The following DCC variants were observed in gnomAD, a reference collection of about 807,000 sequenced individuals.
DCC encodes netrin receptor DCC.
In DCC, 58 loss-of-function variants were observed where a neutral mutation model predicts 172.5. The ratio of observed to expected loss-of-function variants is 0.34; its 90% CI spans 0.27 to 0.42. The LOEUF (loss-of-function observed/expected upper bound fraction) is 0.42, where lower values mean the gene tolerates loss of function less well. Among genes scored for constraint, DCC ranks in the 10% least tolerant of loss-of-function variants. The probability of loss-of-function intolerance (pLI) is 1.00; values close to 1 mark genes in which losing one functional copy is unlikely to be tolerated. For missense variants in DCC, 1,740 were observed against 1,791.0 expected (o/e 0.97, Z 0.51); for synonymous variants, 709 against 644.5 (o/e 1.10, Z -1.52).
At chr18:53,055,300 T>G (rs2042388885) in intron 5 of DCC, among the ~76,000 whole-genome samples, 1 of 152,190 alleles carries the variant, frequency 6.6e-6, no homozygotes, top group African/African-American at 2.4e-5. Context: ...ATATTTACTT[T>G]CATTTGAGAA....
chr18:52,784,686 T>C (rs570221198), intron 2 of DCC, among the ~76,000 whole-genome samples: 5 of 152,022 alleles, frequency 3.3e-5, no homozygotes, highest in African/African-American at 7.2e-5. Flanking sequence ...ATTTTTTAAA[T>C]ATGTTTTGGC....
intron 2 of DCC, among the ~76,000 whole-genome samples, chr18:52,793,374 T>A (rs540813741): frequency 6.6e-6 from 1 of 152,332 alleles, no homozygotes; most frequent in Admixed American, 6.5e-5. Context: ...CTTTACAGGC[T>A]ATTTATTAGA....
chr18:52,835,108 A>G (rs1458744465), intron 2 of DCC, among the ~76,000 whole-genome samples: 1 of 152,206 alleles, frequency 6.6e-6, no homozygotes, highest in African/African-American at 2.4e-5. Flanking sequence ...TACACGATTG[A>G]ATTTAGGTTA....
chr18:53,406,209 A>G (rs2145044850), intron 19 of DCC, among the ~76,000 whole-genome samples: 1 of 152,256 alleles, frequency 6.6e-6, no homozygotes, highest in South Asian at 2.1e-4. Context: ...GTGTCATTTG[A>G]TAGCCTAGTT....
intron 15 of DCC, among the ~76,000 whole-genome samples, chr18:53,341,118 T>C (rs1334710874): frequency 6.6e-6 from 1 of 152,178 alleles, no homozygotes; most frequent in Non-Finnish European, 1.5e-5. Context: ...ACAAAACTCA[T>C]ATTTTATGGC....
chr18:52,469,079 A>C (rs1988872492), intron 1 of DCC, among the ~76,000 whole-genome samples: 1 of 151,342 alleles, frequency 6.6e-6, no homozygotes, highest in Non-Finnish European at 1.5e-5. Flanking sequence ...TTATTTAGAG[A>C]CAGAGTCTTG....
intron 5 of DCC, among the ~76,000 whole-genome samples, chr18:52,997,319 T>C (rs1327626444): frequency 1.3e-5 from 2 of 152,140 alleles, no homozygotes; most frequent in African/African-American, 4.8e-5. Flanking sequence ...AGATAGATTT[T>C]TGGACTTCTA....
At position 53,410,647 on chromosome 18, in the gene DCC, G is replaced by A. The variant is rs777554244; in HGVS notation, c.3130+1G>A. Reference sequence around the variant, plus strand: ...CCTATCCTCTTCAGGACTCTGAAAGGTTTGAATAATTTCCTATTATGCTTT... The same window carrying A: ...CCTATCCTCTTCAGGACTCTGAAAGATTTGAATAATTTCCTATTATGCTTT... On this transcript the variant is annotated splice_donor_variant, in intron 20 of 28. Coordinates refer to ENST00000442544, the MANE Select transcript of DCC (RefSeq NM_005215.4). LOFTEE classifies it high-confidence loss of function. 6.5e-7 allele frequency: 1 copy of A among 1,543,946 alleles called. No individual in the cohort carries two copies. The highest frequency in any genetic ancestry group is 1.1e-5 in the South Asian group (1 of 90,014).
intron 1 of DCC, among the ~76,000 whole-genome samples, chr18:52,484,745 T>C (rs1435550738): frequency 6.6e-6 from 1 of 151,250 alleles, no homozygotes; most frequent in Non-Finnish European, 1.5e-5. Context: ...CAAACCACCA[T>C]GGCACAAGAA....
At chr18:53,511,169 AC>A (rs2046246425) in intron 27 of DCC, among the ~76,000 whole-genome samples, 1 of 152,190 alleles carries the variant, frequency 6.6e-6, no homozygotes, top group African/African-American at 2.4e-5. Context: ...GACAAAGGTT[AC>A]CTGTTTTACC....
intron 1 of DCC, among the ~76,000 whole-genome samples, chr18:52,366,519 AT>A: frequency 6.6e-6 from 1 of 152,188 alleles, no homozygotes; most frequent in African/African-American, 2.4e-5. Flanking sequence ...GGTTCTCCAC[AT>A]CCCCATCAGA....
chr18:53,041,638 A>G lies in DCC; in HGVS notation c.986-21667A>G, dbSNP rs118124169. On this transcript the variant is annotated intron_variant, in intron 5 of 28. Coordinates refer to ENST00000442544, the MANE Select transcript of DCC (RefSeq NM_005215.4). Reference sequence around the variant, plus strand: ...CATTTTTATGATATTGAGTCTTTCTATCCATGAGCATGGACTATTTTTCCA... The same window carrying G: ...CATTTTTATGATATTGAGTCTTTCTGTCCATGAGCATGGACTATTTTTCCA... Among the ~76,000 whole-genome samples the G allele has an allele frequency of 5.3e-5, 8 of 152,204 alleles. No individual in the cohort carries two copies. In the East Asian group the frequency reaches 1.5e-3, roughly 29 times the overall value.
chr18:52,680,050 TG>T (rs1169707506), intron 1 of DCC, among the ~76,000 whole-genome samples: 5 of 152,068 alleles, frequency 3.3e-5, no homozygotes, highest in Admixed American at 6.6e-5. Context: ...ATGTATTATG[TG>T]GAAGTATTAG....
At chr18:52,712,475 T>C (rs1599039374) in intron 1 of DCC, among the ~76,000 whole-genome samples, 2 of 152,328 alleles carry the variant, frequency 1.3e-5, no homozygotes. Flanking sequence ...CTATGAGATA[T>C]ATGTTATACC....
chr18:52,871,736 A>G (rs1035728076), intron 2 of DCC, among the ~76,000 whole-genome samples: 7 of 152,268 alleles, frequency 4.6e-5, no homozygotes, highest in African/African-American at 1.7e-4. Context: ...CCTCTTTGTG[A>G]CAAAACAACA....
chr18:53,131,814 A>G (rs888956378), intron 7 of DCC, among the ~76,000 whole-genome samples: 1 of 152,120 alleles, frequency 6.6e-6, no homozygotes, highest in East Asian at 1.9e-4. Flanking sequence ...AATCATAGGT[A>G]GGTAGAGAAT....
chr18:52,676,568 G>A (rs1439579129), intron 1 of DCC, among the ~76,000 whole-genome samples: 1 of 152,116 alleles, frequency 6.6e-6, no homozygotes, highest in Non-Finnish European at 1.5e-5. Context: ...TGATTAAATT[G>A]AGGCCACGAC....
At chr18:53,471,324 A>G (rs2045693935) in intron 25 of DCC, among the ~76,000 whole-genome samples, 1 of 152,202 alleles carries the variant, frequency 6.6e-6, no homozygotes, top group Admixed American at 6.5e-5. Context: ...TTATACTCTT[A>G]GTTATTTTTA....
chr18:52,879,740 G>C (rs1049198292), intron 2 of DCC, among the ~76,000 whole-genome samples: 1 of 151,982 alleles, frequency 6.6e-6, no homozygotes, highest in Non-Finnish European at 1.5e-5. Context: ...ATGTTGTTTG[G>C]TCTTTGTCAG....
Sources: gnomAD v4.1 joint callset for allele counts (sites outside exome capture counted in the v4.1 genomes callset) on GRCh38, gnomAD v4.1.1 for gene constraint, MANE v1.5 for transcripts, NCBI Gene and HGNC (gene_info 2026-07-23, HGNC 2026-07-21) for gene names.